The following GPC5 variants were observed in gnomAD, a reference collection of about 807,000 sequenced individuals.
The protein encoded by GPC5 is glypican 5.
GPC5 carries 47 observed loss-of-function variants against 53.9 expected under a neutral mutation model. The observed-to-expected ratio is 0.87, with a 90% CI of 0.69 to 1.11. GPC5 has a LOEUF of 1.11. Ranked by LOEUF, GPC5 falls within the 50% of genes most tolerant of loss-of-function variation. The pLI is 0.00. For missense variants in GPC5, 748 were observed against 713.1 expected (o/e 1.05, Z -0.56); for synonymous variants, 286 against 263.3 (o/e 1.09, Z -0.84).
chr13:92,191,250 T>C (rs1201034460), intron 7 of GPC5, among the ~76,000 whole-genome samples: 2 of 152,118 alleles, frequency 1.3e-5, no homozygotes, highest in Admixed American at 6.6e-5. Flanking sequence ...CATTAAGATA[T>C]ACAGGTGGCA....
At chr13:92,278,156 T>A (rs1363163315) in intron 7 of GPC5, among the ~76,000 whole-genome samples, 1 of 151,872 alleles carries the variant, frequency 6.6e-6, no homozygotes, top group Non-Finnish European at 1.5e-5. Context: ...TTAACATTAG[T>A]ATAAAGAAAG....
chr13:91,406,051 T>C (rs74622835), intron 1 of GPC5, among the ~76,000 whole-genome samples: 9,737 of 152,268 alleles, frequency 0.064, 419 homozygotes, highest in Middle Eastern at 0.11. Flanking sequence ...GGATTATAGG[T>C]GTGAGCCACC....
chr13:91,477,952 T>C (rs1485215984), intron 2 of GPC5, among the ~76,000 whole-genome samples: 2 of 152,148 alleles, frequency 1.3e-5, no homozygotes, highest in Non-Finnish European at 2.9e-5. Flanking sequence ...GGAAAGTAGA[T>C]GGTCATTGGG....
At chr13:92,460,723 G>C (rs991714944) in intron 7 of GPC5, among the ~76,000 whole-genome samples, 1 of 152,162 alleles carries the variant, frequency 6.6e-6, no homozygotes, top group African/African-American at 2.4e-5. Context: ...AGGCTGGCTA[G>C]TGTTTAAGGA....
intron 7 of GPC5, among the ~76,000 whole-genome samples, chr13:92,355,257 A>G (rs958939090): frequency 3.8e-4 from 57 of 151,942 alleles, no homozygotes; most frequent in African/African-American, 1.3e-3. Context: ...TCAAAATTCA[A>G]TACTCAATGA....
At chr13:91,776,011 C>G (rs2037705746) in intron 5 of GPC5, among the ~76,000 whole-genome samples, 1 of 152,168 alleles carries the variant, frequency 6.6e-6, no homozygotes, top group African/African-American at 2.4e-5. Flanking sequence ...ATCTTTGTCC[C>G]CATTGCATCT....
chr13:92,346,661 T>G (rs2043415498), intron 7 of GPC5, among the ~76,000 whole-genome samples: 1 of 152,168 alleles, frequency 6.6e-6, no homozygotes, highest in Non-Finnish European at 1.5e-5. Context: ...AATTAGGGAA[T>G]CATTACACTT....
chr13:92,183,670 A>G (rs2042163389), intron 7 of GPC5, among the ~76,000 whole-genome samples: 1 of 152,132 alleles, frequency 6.6e-6, no homozygotes, highest in Non-Finnish European at 1.5e-5. Flanking sequence ...AAGGAATCAT[A>G]CCATATTTAT....
intron 5 of GPC5, among the ~76,000 whole-genome samples, chr13:91,902,118 T>C (rs1262399079): frequency 6.6e-6 from 1 of 152,004 alleles, no homozygotes; most frequent in Non-Finnish European, 1.5e-5. Flanking sequence ...TTCCAGATAT[T>C]GTTTCCCCTG....
At chr13:91,917,945 A>G (rs565943246) in intron 6 of GPC5, among the ~76,000 whole-genome samples, 2 of 152,314 alleles carry the variant, frequency 1.3e-5, no homozygotes, top group East Asian at 3.9e-4. Context: ...TTTCGGGTAT[A>G]TCTTTACAGC....
intron 7 of GPC5, among the ~76,000 whole-genome samples, chr13:92,670,082 C>G (rs537860202): frequency 8.5e-5 from 13 of 152,274 alleles, no homozygotes; most frequent in African/African-American, 3.1e-4. Context: ...CTAGCACAGT[C>G]CTTAGCATAT....
intron 7 of GPC5, among the ~76,000 whole-genome samples, chr13:92,759,008 T>G (rs1875038972): frequency 1.4e-5 from 2 of 147,064 alleles, no homozygotes; most frequent in Non-Finnish European, 3.0e-5. Flanking sequence ...TTTTTTTTTT[T>G]TTTTTTTTTT....
intron 5 of GPC5, among the ~76,000 whole-genome samples, chr13:91,892,137 A>G (rs1266653013): frequency 6.6e-6 from 1 of 152,032 alleles, no homozygotes; most frequent in Non-Finnish European, 1.5e-5. Flanking sequence ...AGTTAACACA[A>G]CAAAAAATAT....
intron 7 of GPC5, among the ~76,000 whole-genome samples, chr13:92,631,228 A>T (rs1172819766): frequency 6.6e-6 from 1 of 152,114 alleles, no homozygotes; most frequent in Non-Finnish European, 1.5e-5. Context: ...TCAAAGAAAG[A>T]AAATTGTCAC....
chr13:92,371,511 A>T lies in GPC5; in HGVS notation c.1561+226522A>T, dbSNP rs561467414. 5.1e-4 allele frequency among the ~76,000 whole-genome samples: 77 copies of T among 152,280 alleles called. 1 individual carries two copies. The highest frequency in any genetic ancestry group is 1.8e-3 in the African/African-American group (75 of 41,558). The stretch of plus-strand genomic sequence containing the variant: ...CTGTTCTCACACTTCTTATAAAGAC[A>T]TACACAAGACTGGATAATTTAGAAA... On this transcript the variant is annotated intron_variant, in intron 7 of 7. Coordinates refer to ENST00000377067, the MANE Select transcript of GPC5 (RefSeq NM_004466.6).
chr13:91,455,398 A>T (rs905381108), intron 2 of GPC5, among the ~76,000 whole-genome samples: 1 of 152,144 alleles, frequency 6.6e-6, no homozygotes, highest in African/African-American at 2.4e-5. Flanking sequence ...GTTTTACTGA[A>T]CTGATAATGA....
chr13:91,788,255 C>T (rs754187422), intron 5 of GPC5, among the ~76,000 whole-genome samples: 65 of 152,258 alleles, frequency 4.3e-4, no homozygotes, highest in Non-Finnish European at 7.1e-4. Flanking sequence ...AACATGGGCA[C>T]GACAGATTGA....
intron 6 of GPC5, among the ~76,000 whole-genome samples, chr13:92,104,778 G>T (rs112384018): frequency 0.029 from 4,382 of 152,118 alleles, 209 homozygotes; most frequent in African/African-American, 0.1. Context: ...CCAGATCTTT[G>T]TGCCTCAGAG....
Position 91,693,305 on chromosome 13 carries a change from G to A in GPC5, c.444G>A (p.Val148=), listed in dbSNP as rs1450335541. 1 of 1,614,086 alleles carries A rather than the reference G, an allele frequency of 6.2e-7. No homozygotes were observed. The highest frequency in any genetic ancestry group is 8.5e-7 in the Non-Finnish European group (1 of 1,180,004). ...AASVQEFFTD[V]GLYLFGADVN... ...CGGTTCAGGAGTTCTTCACTGATGTGGGGCTGTATTTATTTGGTGCGGATG... is the reference window on the plus strand; with the variant it reads ...CGGTTCAGGAGTTCTTCACTGATGTAGGGCTGTATTTATTTGGTGCGGATG... Residue 148 remains valine (V), a synonymous_variant, in exon 3 of 8, where the codon GTG becomes GTA. Transcript: ENST00000377067.
Sources: gnomAD v4.1 joint callset for allele counts (sites outside exome capture counted in the v4.1 genomes callset) on GRCh38, gnomAD v4.1.1 for gene constraint, MANE v1.5 for transcripts, NCBI Gene and HGNC (gene_info 2026-07-23, HGNC 2026-07-21) for gene names.